RFX4: variants seen among roughly 807,000 people sequenced by gnomAD.
RFX4 encodes the protein transcription factor RFX4.
In RFX4, 10 loss-of-function variants were observed where a neutral mutation model predicts 95.0. That is an observed-to-expected ratio of 0.11 (90% CI 0.06 to 0.18). The LOEUF (loss-of-function observed/expected upper bound fraction) is 0.18. Among genes scored for constraint, RFX4 ranks in the 10% least tolerant of loss-of-function variants. The pLI, the probability that RFX4 is intolerant of heterozygous loss-of-function variation, is 1.00. For missense variants in RFX4, 640 were observed against 922.0 expected, an observed-to-expected ratio of 0.69 and a Z score of 3.96; for synonymous variants, 321 against 340.7, an observed-to-expected ratio of 0.94 and a Z score of 0.64.
chr12:106,682,176 G>A (rs887372555), intron 5 of RFX4, 122 bp downstream of exon 5: 2 of 983,752 alleles, frequency 2.0e-6, no homozygotes, highest in Non-Finnish European at 1.6e-6. Flanking sequence ...GTGCCTAGAG[G>A]GAATATGGAA....
Position 106,732,909 on chromosome 12 carries a change from T to C in RFX4, c.1472-15T>C. 1.2e-6 allele frequency: 2 copies of C among 1,610,480 alleles called. No homozygotes were observed. The highest frequency in any genetic ancestry group is 1.7e-4 in the Middle Eastern group (1 of 6,054). Reference sequence around the variant, plus strand: ...TACATTTGGTTTTAAAAACTTACCCTATCTCTATCCACAGCAGAAGTCCGA... The same window carrying C: ...TACATTTGGTTTTAAAAACTTACCCCATCTCTATCCACAGCAGAAGTCCGA... On this transcript the variant is annotated splice_polypyrimidine_tract_variant and intron_variant, in intron 14 of 17. Coordinates refer to ENST00000392842, the MANE Select transcript of RFX4 (RefSeq NM_213594.3).
intron 15 of RFX4, among the ~76,000 whole-genome samples, chr12:106,737,335 T>C (rs1026888347): frequency 1.3e-5 from 2 of 151,808 alleles, no homozygotes; most frequent in Non-Finnish European, 2.9e-5. Flanking sequence ...TAGGTGGTGA[T>C]ATAATAGCAA....
intron 4 of RFX4, among the ~76,000 whole-genome samples, chr12:106,656,951 C>T (rs965546265): frequency 2.0e-5 from 3 of 152,238 alleles, no homozygotes; most frequent in African/African-American, 7.2e-5. Flanking sequence ...GCATTAAGAA[C>T]ACAAATGCAA....
intron 2 of RFX4, among the ~76,000 whole-genome samples, chr12:106,636,528 G>A (rs974864423): frequency 2.6e-5 from 4 of 152,168 alleles, no homozygotes; most frequent in Admixed American, 6.5e-5. Flanking sequence ...AGAGTATCAA[G>A]GAAGGCTTCA....
At chr12:106,731,564 A>G (rs549658756) in intron 13 of RFX4, among the ~76,000 whole-genome samples, 1 of 152,370 alleles carries the variant, frequency 6.6e-6, no homozygotes, top group East Asian at 1.9e-4. Flanking sequence ...TCTAAGAACC[A>G]TGTGCTAAAT....
At chr12:106,663,690 A>C (rs1453405963) in intron 4 of RFX4, among the ~76,000 whole-genome samples, 1 of 151,216 alleles carries the variant, frequency 6.6e-6, no homozygotes, top group Non-Finnish European at 1.5e-5. Context: ...TGTTAGCTGT[A>C]GGTTTTTTGT....
intron 2 of RFX4, among the ~76,000 whole-genome samples, chr12:106,631,955 CAAGTCCTTTGAACCGG>C (rs1253309922): frequency 6.6e-6 from 1 of 152,210 alleles, no homozygotes. Context: ...ACTTAGATAG[CAAGTCCTTTGAACCGG>C]AAGTGGTTCA....
Position 106,761,595 on chromosome 12 carries a change from C to G in RFX4, c.*126C>G, listed in dbSNP as rs1172968507. 1 of 619,910 alleles carries G rather than the reference C, an allele frequency of 1.6e-6. No homozygotes were observed. The highest frequency in any genetic ancestry group is 2.2e-6 in the Non-Finnish European group (1 of 452,878). 38.4% of individuals were successfully genotyped at this position (619,910 alleles called of 1,614,324 possible). A position where few individuals can be genotyped will look rare whatever the true frequency, so the allele number is the denominator to read the frequency against. On this transcript the variant is annotated 3_prime_UTR_variant, in exon 18 of 18. Transcript: ENST00000392842. ...AACTCATGGGCTATTCCTAAGTGCCCATTTTCCTAATGAACATGAGGATGG... is the reference window on the plus strand; with the variant it reads ...AACTCATGGGCTATTCCTAAGTGCCGATTTTCCTAATGAACATGAGGATGG...
chr12:106,586,831 A>G lies in RFX4; in HGVS notation c.43+3468A>G, dbSNP rs565444492. ...CAAGGCAAAGTGCGTCCTGGAGGGA[A>G]CAGGGCCCGAGCCTCCTCCATTCTT... On this transcript the variant is annotated intron_variant, in intron 1 of 17. Transcript: ENST00000392842. This position sits in a 1 kb window ranked among gnomAD's most constrained non-coding sequence, Gnocchi z 5.6. 6.6e-6 allele frequency among the ~76,000 whole-genome samples: 1 copy of G among 152,278 alleles called. No individual in the cohort carries two copies. The highest frequency in any genetic ancestry group is 1.5e-5 in the Non-Finnish European group (1 of 67,992).
chr12:106,715,667 T>C, intron 11 of RFX4, 123 bp downstream of exon 11: 1 of 1,085,358 alleles, frequency 9.2e-7, no homozygotes, highest in South Asian at 1.6e-5. Flanking sequence ...CTCCTTATTG[T>C]TCCTTATTGT....
intron 2 of RFX4, among the ~76,000 whole-genome samples, chr12:106,635,662 T>G (rs994702524): frequency 6.6e-6 from 1 of 152,150 alleles, no homozygotes; most frequent in African/African-American, 2.4e-5. Flanking sequence ...TTGCTCAGTA[T>G]TATAATTTCT....
intron 7 of RFX4, chr12:106,693,006 C>A (rs560925648): frequency 3.7e-5 from 11 of 300,106 alleles, no homozygotes; most frequent in Admixed American, 1.5e-4. Flanking sequence ...GATTGCCACT[C>A]CCCTCCACCC....
chr12:106,669,739 T>C (rs2041244402), intron 4 of RFX4, among the ~76,000 whole-genome samples: 1 of 152,082 alleles, frequency 6.6e-6, no homozygotes, highest in African/African-American at 2.4e-5. Context: ...CAGACTTTCC[T>C]TCTACTTTTA....
intron 7 of RFX4, among the ~76,000 whole-genome samples, chr12:106,690,005 T>C (rs1254571978): frequency 6.6e-6 from 1 of 152,170 alleles, no homozygotes; most frequent in Non-Finnish European, 1.5e-5. Flanking sequence ...CAATGTGGTC[T>C]CTAAAAGGAC....
At chr12:106,733,242 G>A in intron 15 of RFX4, 157 bp downstream of exon 15, 2 of 722,220 alleles carry the variant, frequency 2.8e-6, no homozygotes, top group South Asian at 3.8e-5. Context: ...AGGCTGAGGT[G>A]GGAGAATTGC....
intron 4 of RFX4, among the ~76,000 whole-genome samples, chr12:106,657,881 ATATAG>A (rs2040991972): frequency 6.6e-6 from 1 of 152,120 alleles, no homozygotes; most frequent in Non-Finnish European, 1.5e-5. Flanking sequence ...TTATACATTT[ATATAG>A]TATAGTTTTC....
chr12:106,681,498 G>T (rs964372882), intron 4 of RFX4, among the ~76,000 whole-genome samples: 1 of 152,204 alleles, frequency 6.6e-6, no homozygotes, highest in African/African-American at 2.4e-5. Flanking sequence ...ACTCCTGGGT[G>T]CAGTACAAAG....
At chr12:106,601,213 T>G in intron 1 of RFX4, 1 of 1,545,082 alleles carries the variant, frequency 6.5e-7, no homozygotes, top group Admixed American at 2.0e-5. Flanking sequence ...TTCTCCAAAC[T>G]CCTGTGTGTC....
intron 3 of RFX4, among the ~76,000 whole-genome samples, chr12:106,642,389 G>A (rs1269669864): frequency 2.0e-5 from 3 of 151,862 alleles, no homozygotes; most frequent in South Asian, 2.1e-4. Flanking sequence ...GCTGAAGTGG[G>A]AGGATCGCTT....
Sources: gnomAD v4.1 joint callset for allele counts (sites outside exome capture counted in the v4.1 genomes callset) on GRCh38, gnomAD v4.1.1 for gene constraint, Gnocchi (gnomAD v3.1) non-coding constraint, MANE v1.5 for transcripts, NCBI Gene and HGNC (gene_info 2026-07-23, HGNC 2026-07-21) for gene names.